Variants in ZNF697 observed in about 807,000 individuals in gnomAD.
ZNF697 encodes zinc finger protein 697.
In ZNF697, 23 loss-of-function variants were observed where a neutral mutation model predicts 32.4. The observed-to-expected ratio is 0.71, with a 90% CI of 0.51 to 1.01. ZNF697 has a LOEUF of 1.01. Ranked by LOEUF, ZNF697 falls within the 50% of genes least tolerant of loss-of-function variation. The probability of loss-of-function intolerance (pLI) is 0.00; values close to 1 mark genes in which losing one functional copy is unlikely to be tolerated. For missense variants in ZNF697, 930 were observed against 794.0 expected, an observed-to-expected ratio of 1.17 and a Z score of -2.06; for synonymous variants, 418 against 337.2, an observed-to-expected ratio of 1.24 and a Z score of -2.62.
Position 119,636,952 on chromosome 1 carries a change from G to A in ZNF697, c.-38+10739C>T, listed in dbSNP as rs780089271. 6.6e-5 allele frequency among the ~76,000 whole-genome samples: 10 copies of A among 152,172 alleles called. No homozygotes were observed. In the East Asian group the frequency reaches 1.3e-3, roughly 20 times the overall value. ...CTGTAACACCCTGCCTCTCTTGGAC[G>A]TATCTAATTTATAAGCTTGACCCCA... On this transcript the variant is annotated intron_variant, in intron 1 of 2. Transcript: ENST00000421812.
chr1:119,635,495 CTTGT>C (rs1454241070), intron 1 of ZNF697, among the ~76,000 whole-genome samples: 6 of 152,158 alleles, frequency 3.9e-5, no homozygotes, highest in African/African-American at 7.2e-5. Flanking sequence ...CCCACCAGAA[CTTGT>C]TTATTTCCAC....
In ZNF697 at chr1:119,624,751, C is replaced by T. The variant is rs143014884; in HGVS notation, c.227-635G>A. Among the ~76,000 whole-genome samples the T allele has an allele frequency of 7.3e-3, 1,109 of 152,214 alleles. 17 individuals carry two copies. The highest frequency in any genetic ancestry group is 0.025 in the African/African-American group (1,038 of 41,530). On this transcript the variant is annotated intron_variant, in intron 2 of 2. Coordinates refer to ENST00000421812, the MANE Select transcript of ZNF697 (RefSeq NM_001080470.2). ...CTGGGATTACAGGCTCATGCCACCA[C>T]GCCCAGCTAACTTGTATTTTTAGTA...
intron 2 of ZNF697, 128 bp from the exon 3 acceptor site, chr1:119,624,244 A>C: frequency 3.4e-6 from 4 of 1,161,936 alleles, no homozygotes; most frequent in South Asian, 3.9e-5. Context: ...CCCCTCCAAG[A>C]CCCCCTGAGA....
At chr1:119,636,178 T>C (rs587662937) in intron 1 of ZNF697, among the ~76,000 whole-genome samples, 2 of 152,292 alleles carry the variant, frequency 1.3e-5, no homozygotes, top group South Asian at 4.1e-4. Context: ...GCAACAGTAC[T>C]ACACAAACTT....
intron 1 of ZNF697, among the ~76,000 whole-genome samples, chr1:119,634,935 GA>G (rs1648879892): frequency 6.6e-6 from 1 of 152,138 alleles, no homozygotes; most frequent in Non-Finnish European, 1.5e-5. Flanking sequence ...ATCTTTAAGA[GA>G]TATATAATGA....
chr1:119,630,572 C>G (rs1406699007), intron 1 of ZNF697, among the ~76,000 whole-genome samples: 3 of 152,202 alleles, frequency 2.0e-5, no homozygotes, highest in African/African-American at 4.8e-5. Flanking sequence ...TAGACAAACT[C>G]AACCCCACTT....
intron 1 of ZNF697, among the ~76,000 whole-genome samples, chr1:119,633,356 ATGTGTGTGTGTGTGTG>A (rs58387828): frequency 7.0e-6 from 1 of 143,142 alleles, no homozygotes; most frequent in South Asian, 2.3e-4. Context: ...AACCAATAGG[ATGTGTGTGTGTGTGTG>A]TGTGTGTGTG....
chr1:119,632,308 C>G (rs916185560), intron 1 of ZNF697, among the ~76,000 whole-genome samples: 10 of 152,186 alleles, frequency 6.6e-5, no homozygotes, highest in Admixed American at 1.3e-4. Context: ...GACTGCCCAA[C>G]CCAAAATGCC....
intron 1 of ZNF697, among the ~76,000 whole-genome samples, chr1:119,633,027 A>T (rs190954462): frequency 6.6e-6 from 1 of 152,232 alleles, no homozygotes; most frequent in East Asian, 1.9e-4. Flanking sequence ...CCTCAGAATT[A>T]TTATCTCTAG....
At chr1:119,641,588 A>G (rs752953848) in intron 1 of ZNF697, among the ~76,000 whole-genome samples, 73 of 152,124 alleles carry the variant, frequency 4.8e-4, no homozygotes, top group Non-Finnish European at 9.0e-4. Context: ...TAACACTGAT[A>G]CGGTTTGGCT....
chr1:119,634,624 C>G (rs1648871942), intron 1 of ZNF697, among the ~76,000 whole-genome samples: 1 of 152,132 alleles, frequency 6.6e-6, no homozygotes, highest in South Asian at 2.1e-4. Context: ...AGATTATCAG[C>G]AAAAACCAGA....
At chr1:119,630,301 T>G (rs1312338376) in intron 1 of ZNF697, among the ~76,000 whole-genome samples, 1 of 152,242 alleles carries the variant, frequency 6.6e-6, no homozygotes. Flanking sequence ...GAAGGCATCA[T>G]TGTCAGTTTC....
intron 1 of ZNF697, among the ~76,000 whole-genome samples, chr1:119,637,984 AAG>A (rs370378866): frequency 2.0e-5 from 3 of 151,894 alleles, no homozygotes; most frequent in African/African-American, 7.3e-5. Context: ...AGAGAGAGAA[AAG>A]AGAGAGAGAA....
chr1:119,639,746 C>T (rs868388085), intron 1 of ZNF697, among the ~76,000 whole-genome samples: 11 of 148,822 alleles, frequency 7.4e-5, no homozygotes, highest in African/African-American at 2.7e-4. Flanking sequence ...GAAGTGGTGG[C>T]ATACACATGT....
rs1648568213 is a variant in ZNF697 at position 119,625,946 on chromosome 1, T to G, written c.155A>C (p.His52Pro). Reference sequence around the variant, plus strand: ...GTTGGAGCCCATCTCCGGCTCCGGATGGCCTTCTCTCTTGTTTGTGTCATG... The same window carrying G: ...GTTGGAGCCCATCTCCGGCTCCGGAGGGCCTTCTCTCTTGTTTGTGTCATG... ...NPHDTNKREG[H>P]PEPEMGSNPQ... Residue 52 changes from histidine (H) to proline (P), a missense_variant, in exon 2 of 3, where the codon CAT becomes CCT. Coordinates refer to ENST00000421812, the MANE Select transcript of ZNF697 (RefSeq NM_001080470.2). The G allele has an allele frequency of 4.3e-6, 7 of 1,614,084 alleles. No individual in the cohort carries two copies. Among genetic ancestry groups the G allele is most frequent in the African/African-American group, 1.3e-5 (1 of 75,078 alleles).
chr1:119,623,039 C>G lies in ZNF697; in HGVS notation c.1304G>C (p.Arg435Pro). ...FTHKRTHSGE[R>P]PYVCRECGKG... ...CCCGCACTCGCGGCACACGTAGGGC[C>G]GCTCACCCGAGTGCGTGCGCTTGTG... The change falls in exon 3 of 3, where the codon CGG becomes CCG. Residue 435 changes from arginine (R) to proline (P), a missense_variant. Transcript: ENST00000421812. The G allele has an allele frequency of 6.3e-7, 1 of 1,587,378 alleles. No homozygotes were observed.
chr1:119,623,796 T>A lies in ZNF697; in HGVS notation c.547A>T (p.Ser183Cys). The change falls in exon 3 of 3, where the codon AGC becomes TGC. Residue 183 changes from serine to cysteine, a missense_variant. By Grantham distance (112) the Ser-to-Cys change is moderately radical. Transcript: ENST00000421812. ...CAGATGGTGGGCGCGTCCATGATGC[T>A]GGCCACCAGGCTATCCAGCTCCCCG... Reference protein sequence around the residue: ...DLGELDSLVASIMDAPTICPD... With the variant: ...DLGELDSLVACIMDAPTICPD... 6.5e-7 allele frequency: 1 copy of A among 1,547,736 alleles called. No homozygotes were observed. Among genetic ancestry groups the A allele is most frequent in the Non-Finnish European group, 8.7e-7 (1 of 1,146,406 alleles).
intron 1 of ZNF697, among the ~76,000 whole-genome samples, chr1:119,644,803 G>A (rs587679970): frequency 6.6e-6 from 1 of 152,312 alleles, no homozygotes; most frequent in East Asian, 1.9e-4. Flanking sequence ...CTACTAAATT[G>A]TAGTGTCTTT....
chr1:119,626,288 G>A (rs989465297), intron 1 of ZNF697, among the ~76,000 whole-genome samples, 151 bp from the exon 2 acceptor site: 17 of 152,232 alleles, frequency 1.1e-4, no homozygotes, highest in African/African-American at 2.9e-4. Context: ...AAGTAAACAA[G>A]TGAGTGCAAA....
Sources: allele counts gnomAD v4.1 joint callset (sites outside exome capture counted in the v4.1 genomes callset), GRCh38; gene constraint gnomAD v4.1.1; transcripts MANE v1.5; gene names NCBI Gene and HGNC (gene_info 2026-07-23, HGNC 2026-07-21).